The following RBM20 variants were observed in gnomAD, a reference collection of about 807,000 sequenced individuals.
RBM20 encodes the protein RNA-binding protein 20.
In RBM20, 51 loss-of-function variants were observed where a neutral mutation model predicts 110.1. The observed-to-expected ratio is 0.46, with a 90% CI of 0.37 to 0.59. RBM20 has a LOEUF of 0.59. Ranked by LOEUF, RBM20 falls within the 20% of genes least tolerant of loss-of-function variation. RBM20 has a pLI of 0.00. For missense variants in RBM20, 1,512 were observed against 1,574.9 expected (o/e 0.96, Z 0.68); for synonymous variants, 589 against 618.2 (o/e 0.95, Z 0.70).
intron 1 of RBM20, among the ~76,000 whole-genome samples, chr10:110,655,962 A>C (rs1862021000): frequency 6.6e-6 from 1 of 152,138 alleles, no homozygotes; most frequent in African/African-American, 2.4e-5. Context: ...ACATGTTTAA[A>C]GCATCCATCA....
intron 1 of RBM20, among the ~76,000 whole-genome samples, chr10:110,666,123 AG>A (rs1437805954): frequency 2.0e-5 from 3 of 152,190 alleles, no homozygotes; most frequent in African/African-American, 4.8e-5. Context: ...AAAATAATGA[AG>A]GGGGGTGCAA....
chr10:110,650,817 G>A (rs1158227507), intron 1 of RBM20, among the ~76,000 whole-genome samples: 1 of 152,136 alleles, frequency 6.6e-6, no homozygotes, highest in Non-Finnish European at 1.5e-5. Context: ...CCTTCAACCT[G>A]CCCTCCAGTG....
intron 1 of RBM20, among the ~76,000 whole-genome samples, chr10:110,758,723 G>A (rs1050561131): frequency 2.6e-5 from 4 of 152,194 alleles, no homozygotes; most frequent in African/African-American, 9.7e-5. Flanking sequence ...TAACGCAACT[G>A]AGGAGCTGTG....
At chr10:110,666,125 G>C (rs1862175421) in intron 1 of RBM20, among the ~76,000 whole-genome samples, 1 of 152,130 alleles carries the variant, frequency 6.6e-6, no homozygotes, top group Non-Finnish European at 1.5e-5. Context: ...AATAATGAAG[G>C]GGGGTGCAAA....
chr10:110,664,394 A>G lies in RBM20; in HGVS notation c.191+19749A>G, dbSNP rs568595336. ...AATTTGGGCATTAAAAATAATAACT[A>G]TAGTGGATTTACATACATCAAATAT... On this transcript the variant is annotated intron_variant, in intron 1 of 13. Coordinates refer to ENST00000369519, the MANE Select transcript of RBM20 (RefSeq NM_001134363.3). Among the ~76,000 whole-genome samples, 117 of 152,314 alleles carry G rather than the reference A, an allele frequency of 7.7e-4. No individual in the cohort carries two copies. In the South Asian group the frequency reaches 8.3e-3, roughly 11 times the overall value.
At chr10:110,819,716 G>A (rs568054427) in intron 9 of RBM20, among the ~76,000 whole-genome samples, 1 of 152,294 alleles carries the variant, frequency 6.6e-6, no homozygotes, top group Admixed American at 6.5e-5. Flanking sequence ...TAACCCTGGG[G>A]TCTTGGCCGG....
intron 1 of RBM20, among the ~76,000 whole-genome samples, chr10:110,697,275 C>T (rs977403119): frequency 4.6e-5 from 7 of 152,244 alleles, no homozygotes; most frequent in African/African-American, 1.2e-4. Context: ...GGTGTCCATG[C>T]GTCAGTATCC....
chr10:110,696,228 G>A (rs966436859), intron 1 of RBM20, among the ~76,000 whole-genome samples: 3 of 152,212 alleles, frequency 2.0e-5, no homozygotes, highest in Non-Finnish European at 4.4e-5. Flanking sequence ...ACCATAGCTG[G>A]TTGCAAGAGA....
chr10:110,648,073 T>C (rs538911863), intron 1 of RBM20, among the ~76,000 whole-genome samples: 10 of 152,360 alleles, frequency 6.6e-5, no homozygotes, highest in South Asian at 2.1e-4. Flanking sequence ...AATTTGAGTA[T>C]AGATGACACT....
intron 1 of RBM20, among the ~76,000 whole-genome samples, chr10:110,738,669 C>A (rs1373140844): frequency 6.6e-6 from 1 of 151,990 alleles, no homozygotes; most frequent in Non-Finnish European, 1.5e-5. Context: ...AGTGACACAG[C>A]TGAGATTGGA....
intron 13 of RBM20, among the ~76,000 whole-genome samples, chr10:110,834,451 A>G (rs1838020179): frequency 6.6e-6 from 1 of 152,200 alleles, no homozygotes; most frequent in South Asian, 2.1e-4. Flanking sequence ...TGAGGACAAC[A>G]GTGTTCCTCC....
chr10:110,738,958 G>T (rs1843700222), intron 1 of RBM20, among the ~76,000 whole-genome samples: 1 of 152,182 alleles, frequency 6.6e-6, no homozygotes. Context: ...AGCAGGAAGG[G>T]CCCATTCAGC....
Position 110,781,344 on chromosome 10 carries a change from T to C in RBM20, c.735T>C (p.Asp245=), listed in dbSNP as rs548804547. ...SSGQTYGPET[D]GQPGFLPSSA... ...GCCAGACATATGGCCCTGAAACAGA[T>C]GGTCAGCCTGGCTTCCTGCCATCCT... The change falls in exon 2 of 14, where the codon GAT becomes GAC. Residue 245 remains aspartate, a synonymous_variant. Transcript: ENST00000369519. 5 of 1,551,616 alleles carry C rather than the reference T, an allele frequency of 3.2e-6. No individual in the cohort carries two copies. The highest frequency in any genetic ancestry group is 4.9e-5 in the East Asian group (2 of 40,942).
intron 1 of RBM20, among the ~76,000 whole-genome samples, chr10:110,673,660 G>A (rs1862292692): frequency 6.6e-6 from 1 of 152,212 alleles, no homozygotes; most frequent in South Asian, 2.1e-4. Context: ...GAGCTTAGAA[G>A]GTACTGGCTG....
chr10:110,751,978 C>T (rs1843860055), intron 1 of RBM20, among the ~76,000 whole-genome samples: 1 of 152,060 alleles, frequency 6.6e-6, no homozygotes, highest in South Asian at 2.1e-4. Context: ...ACACAGCCTC[C>T]CCTATGGCCA....
chr10:110,805,329 G>A (rs1039470772), intron 7 of RBM20, among the ~76,000 whole-genome samples: 3 of 152,182 alleles, frequency 2.0e-5, no homozygotes, highest in Non-Finnish European at 4.4e-5. Flanking sequence ...CAGGAGTCGG[G>A]TGAGTGATGA....
chr10:110,764,273 GCAAA>G (rs57543043), intron 1 of RBM20, among the ~76,000 whole-genome samples: 64,800 of 151,478 alleles, frequency 0.43, 13,991 homozygotes, highest in East Asian at 0.51. Flanking sequence ...AAGCAAGCAA[GCAAA>G]CAAACAAACA....
chr10:110,795,964 T>A (rs1239720560), intron 5 of RBM20, among the ~76,000 whole-genome samples: 1 of 152,218 alleles, frequency 6.6e-6, no homozygotes, highest in Non-Finnish European at 1.5e-5. Flanking sequence ...TAGCTCCTCT[T>A]TTATTTGTTG....
intron 1 of RBM20, among the ~76,000 whole-genome samples, chr10:110,702,507 G>A (rs1246263595): frequency 6.6e-6 from 1 of 152,202 alleles, no homozygotes; most frequent in African/African-American, 2.4e-5. Context: ...GTGCACTGCA[G>A]CCCGGGGCGA....
Sources: allele counts gnomAD v4.1 joint callset (sites outside exome capture counted in the v4.1 genomes callset), GRCh38; gene constraint gnomAD v4.1.1; transcripts MANE v1.5; gene names NCBI Gene and HGNC (gene_info 2026-07-23, HGNC 2026-07-21).